Variants in FGF6 observed in about 807,000 individuals in gnomAD.
The protein encoded by FGF6 is fibroblast growth factor 6.
Under a neutral mutation model 18.4 loss-of-function variants are expected in FGF6, and 14 were observed. The observed-to-expected ratio is 0.76, with a 90% CI of 0.50 to 1.19. The LOEUF is 1.19. FGF6 is among the 50% of genes most tolerant of loss of function. The probability of loss-of-function intolerance (pLI) is 0.00; values close to 1 mark genes in which losing one functional copy is unlikely to be tolerated. For synonymous variants in FGF6, 125 were observed against 116.7 expected (o/e 1.07, Z -0.46); for missense variants, 266 against 271.6 (o/e 0.98, Z 0.15).
chr12:4,440,407 C>T (rs1404104186), intron 2 of FGF6, among the ~76,000 whole-genome samples: 3 of 152,158 alleles, frequency 2.0e-5, no homozygotes, highest in Admixed American at 6.5e-5. Context: ...ACCCTGTGAC[C>T]GCTGGGGCCA....
At position 4,445,234 on chromosome 12, in the gene FGF6, TCTC is replaced by T. The variant is rs1865744381; in HGVS notation, c.334_336del (p.Glu112del). Reference sequence around the variant, plus strand: ...TGCAGCTGGCACTCACTGTAGGGGTTCTCCTCGTGGGTCCCGCTGATCCGGCCG... The same window carrying T: ...TGCAGCTGGCACTCACTGTAGGGGTTCTCGTGGGTCCCGCTGATCCGGCCG... On this transcript the variant is annotated inframe_deletion, in exon 1 of 3. Coordinates refer to ENST00000228837, the MANE Select transcript of FGF6 (RefSeq NM_020996.3). This position sits in a 1 kb window ranked among gnomAD's most constrained non-coding sequence, Gnocchi z 5.5. The T allele has an allele frequency of 6.2e-7, 1 of 1,609,214 alleles. No individual in the cohort carries two copies. The highest frequency in any genetic ancestry group is 8.5e-7 in the Non-Finnish European group (1 of 1,178,096).
chr12:4,444,036 A>G, intron 2 of FGF6, 97 bp downstream of exon 2: 2 of 758,408 alleles, frequency 2.6e-6, no homozygotes, highest in Non-Finnish European at 4.4e-6. Context: ...TCCCATTTAG[A>G]TAGTCACTTC....
intron 2 of FGF6, among the ~76,000 whole-genome samples, chr12:4,440,553 C>T (rs1865678752): frequency 6.6e-6 from 1 of 152,226 alleles, no homozygotes; most frequent in Admixed American, 6.5e-5. Context: ...CTTTTCCTGT[C>T]TTTAGCTGAA....
At chr12:4,435,100 T>C (rs1865612483) in intron 2 of FGF6, among the ~76,000 whole-genome samples, 1 of 152,076 alleles carries the variant, frequency 6.6e-6, no homozygotes, top group Non-Finnish European at 1.5e-5. Context: ...TTCTCAGTTT[T>C]GACTTTGAGT....
intron 2 of FGF6, among the ~76,000 whole-genome samples, chr12:4,436,747 C>T (rs1453325805): frequency 6.6e-6 from 1 of 152,204 alleles, no homozygotes. Flanking sequence ...TGAAACTGCC[C>T]TCATATGTTT....
intron 2 of FGF6, among the ~76,000 whole-genome samples, chr12:4,438,915 G>A (rs531056499): frequency 2.0e-4 from 30 of 152,246 alleles, no homozygotes; most frequent in African/African-American, 7.2e-4. Flanking sequence ...GTTTGAAAAA[G>A]TGTTGGCATA....
intron 2 of FGF6, among the ~76,000 whole-genome samples, chr12:4,435,869 A>G (rs1865622079): frequency 6.6e-6 from 1 of 152,098 alleles, no homozygotes; most frequent in Non-Finnish European, 1.5e-5. Context: ...CTAAGGGAGT[A>G]TGCGGGGATT....
chr12:4,444,184 C>T lies in FGF6; in HGVS notation c.399G>A (p.Val133=). 2 of 1,614,044 alleles carry T rather than the reference C, an allele frequency of 1.2e-6. No individual in the cohort carries two copies. The highest frequency in any genetic ancestry group is 1.7e-6 in the Non-Finnish European group (2 of 1,179,924). ...TCATGGCAACGAAGAGGGCACTTCTCACTCCAAAGAGACTCACCACGCCTC... is the reference window on the plus strand; with the variant it reads ...TCATGGCAACGAAGAGGGCACTTCTTACTCCAAAGAGACTCACCACGCCTC... ...VERGVVSLFG[V]RSALFVAMNS... is the part of the protein sequence containing the mutation. Residue 133 remains valine (V), a synonymous_variant, in exon 2 of 3, where the codon GTG becomes GTA. Transcript: ENST00000228837.
intron 2 of FGF6, among the ~76,000 whole-genome samples, chr12:4,435,933 G>A (rs1199707324): frequency 6.6e-6 from 1 of 151,936 alleles, no homozygotes. Flanking sequence ...AGAGAGCGAG[G>A]TGGGAGCCAG....
chr12:4,439,188 G>A (rs1223308703), intron 2 of FGF6, among the ~76,000 whole-genome samples: 7 of 152,164 alleles, frequency 4.6e-5, no homozygotes, highest in Admixed American at 3.9e-4. Flanking sequence ...ATTTAGGGTA[G>A]CAAATGGGCC....
In FGF6 at chr12:4,438,342, A is replaced by G. The variant is rs11830540; in HGVS notation, c.451-3951T>C. ...AAAGAGCAATTTGGCAGCATCTACC[A>G]GAATAAAGGATGAATATAGCAACTG... On this transcript the variant is annotated intron_variant, in intron 2 of 2. Coordinates refer to ENST00000228837, the MANE Select transcript of FGF6 (RefSeq NM_020996.3). Among the ~76,000 whole-genome samples the G allele has an allele frequency of 3.4e-3, 513 of 152,368 alleles. 2 individuals are homozygous for G. Among genetic ancestry groups the G allele is most frequent in the African/African-American group, 0.012 (481 of 41,576 alleles).
At position 4,445,516 on chromosome 12, in the gene FGF6, G is replaced by A. The variant is rs1427949837; in HGVS notation, c.55C>T (p.Gln19Ter). ...AAGACGAGAGCCCACAGCGTGCCCT[G>A]CAGACGTCCTGCTCCCCGGGACATA... is the stretch of plus-strand genomic sequence containing the variant. ...ITMSRGAGRL[Q>*]GTLWALVFLG... Residue 19 changes from glutamine (Q) to a stop codon, truncating the protein, a stop_gained, in exon 1 of 3, where the codon CAG becomes TAG. Transcript: ENST00000228837. LOFTEE classifies it high-confidence loss of function. The surrounding 1 kb of genome is among the most constrained non-coding windows in gnomAD (Gnocchi z 5.5). 3 of 1,612,106 alleles carry A rather than the reference G, an allele frequency of 1.9e-6. No individual in the cohort carries two copies. Among genetic ancestry groups the A allele is most frequent in the Admixed American group, 1.7e-5 (1 of 59,988 alleles).
chr12:4,438,545 G>C (rs1195640231), intron 2 of FGF6, among the ~76,000 whole-genome samples: 1 of 151,914 alleles, frequency 6.6e-6, no homozygotes, highest in Admixed American at 6.6e-5. Context: ...GGTGGATCAC[G>C]AGGTCAGGAG....
intron 1 of FGF6, among the ~76,000 whole-genome samples, chr12:4,444,587 C>A (rs978794700): frequency 7.2e-5 from 11 of 152,170 alleles, no homozygotes; most frequent in South Asian, 2.1e-4. Context: ...TCTTCTTCTT[C>A]TTCTTAATGT....
At position 4,445,389 on chromosome 12, in the gene FGF6, G is replaced by C. The variant is rs774228889; in HGVS notation, c.182C>G (p.Ser61Cys). Residue 61 changes from serine to cysteine, a missense_variant, in exon 1 of 3, where the codon TCT becomes TGT. Ser to Cys is a moderately radical substitution (Grantham distance 112). Transcript: ENST00000228837. The surrounding 1 kb of genome is among the most constrained non-coding windows in gnomAD (Gnocchi z 5.5). ...SRGWGTLLSR[S>C]RAGLAGEIAG... ...AATCTCTCCAGCTAGCCCGGCGCGA[G>C]ACCTGGACAGCAGGGTGCCCCAGCC... 13 of 1,613,738 alleles carry C rather than the reference G, an allele frequency of 8.1e-6. No individual in the cohort carries two copies. In the South Asian group the frequency reaches 8.8e-5, roughly 11 times the overall value.
At chr12:4,435,275 C>T (rs996689282) in intron 2 of FGF6, among the ~76,000 whole-genome samples, 2 of 152,090 alleles carry the variant, frequency 1.3e-5, no homozygotes, top group African/African-American at 4.8e-5. Context: ...CTATTGCCTG[C>T]AAGACCACCT....
At chr12:4,444,799 A>G (rs964609990) in intron 1 of FGF6, among the ~76,000 whole-genome samples, 3 of 152,132 alleles carry the variant, frequency 2.0e-5, no homozygotes, top group African/African-American at 7.2e-5. Context: ...AAAAAGAAGG[A>G]TGTGCTTCAG....
In FGF6 at chr12:4,445,354, T is replaced by C. The variant is rs960925964; in HGVS notation, c.217A>G (p.Asn73Asp). The C allele has an allele frequency of 1.9e-6, 3 of 1,613,900 alleles. No homozygotes were observed. Among genetic ancestry groups the C allele is most frequent in the Non-Finnish European group, 2.5e-6 (3 of 1,180,026 alleles). ...AGLAGEIAGV[N>D]WESGYLVGIK... ...CCCACCAAATAGCCACTTTCCCAGT[T>C]CACCCCGGCAATCTCTCCAGCTAGC... Residue 73 changes from asparagine to aspartate, a missense_variant, in exon 1 of 3, where the codon AAC becomes GAC. Coordinates refer to ENST00000228837, the MANE Select transcript of FGF6 (RefSeq NM_020996.3). This position sits in a 1 kb window ranked among gnomAD's most constrained non-coding sequence, Gnocchi z 5.5.
At chr12:4,439,687 T>G (rs970060174) in intron 2 of FGF6, among the ~76,000 whole-genome samples, 14 of 152,226 alleles carry the variant, frequency 9.2e-5, no homozygotes, top group Admixed American at 9.2e-4. Flanking sequence ...CTATTTTTTT[T>G]TCAAGTTTAC....
Sources: gnomAD v4.1 joint callset for allele counts (sites outside exome capture counted in the v4.1 genomes callset) on GRCh38, gnomAD v4.1.1 for gene constraint, Gnocchi (gnomAD v3.1) non-coding constraint, MANE v1.5 for transcripts, NCBI Gene and HGNC (gene_info 2026-07-23, HGNC 2026-07-21) for gene names.